Variants in PHACTR3 observed in about 807,000 individuals in gnomAD.
PHACTR3 encodes the protein phosphatase and actin regulator 3, also known as protein phosphatase 1, regulatory subunit 123.
In PHACTR3, 16 loss-of-function variants were observed where a neutral mutation model predicts 66.8. The ratio of observed to expected loss-of-function variants is 0.24; its 90% CI spans 0.16 to 0.36. PHACTR3 has a LOEUF of 0.36. Ranked by LOEUF, PHACTR3 falls within the 10% of genes least tolerant of loss-of-function variation. PHACTR3 has a pLI of 1.00. For missense variants in PHACTR3, 647 were observed against 719.9 expected, an observed-to-expected ratio of 0.90 and a Z score of 1.16; for synonymous variants, 323 against 292.1, an observed-to-expected ratio of 1.11 and a Z score of -1.08.
intron 1 of PHACTR3, among the ~76,000 whole-genome samples, chr20:59,630,374 G>C (rs991381837): frequency 2.0e-5 from 3 of 151,988 alleles, no homozygotes; most frequent in African/African-American, 7.3e-5. Context: ...GTAGAGACAG[G>C]GTTTCACCCT....
chr20:59,634,453 T>C (rs2034777505), intron 1 of PHACTR3, among the ~76,000 whole-genome samples: 1 of 152,190 alleles, frequency 6.6e-6, no homozygotes, highest in African/African-American at 2.4e-5. Context: ...TTAGGAGTGT[T>C]GGCCGTGAAC....
At chr20:59,652,117 A>G (rs529061372) in intron 1 of PHACTR3, among the ~76,000 whole-genome samples, 25 of 152,302 alleles carry the variant, frequency 1.6e-4, no homozygotes, top group Admixed American at 3.3e-4. Context: ...TCAAGCAGGC[A>G]GACAGGAAGG....
At chr20:59,677,935 A>G (rs1239377027) in intron 1 of PHACTR3, among the ~76,000 whole-genome samples, 1 of 152,216 alleles carries the variant, frequency 6.6e-6, no homozygotes, top group Non-Finnish European at 1.5e-5. Flanking sequence ...TTCGGTTGTC[A>G]CCTAGGTGCA....
At chr20:59,781,107 G>A (rs149689358) in intron 7 of PHACTR3, among the ~76,000 whole-genome samples, 20 of 152,268 alleles carry the variant, frequency 1.3e-4, no homozygotes, top group African/African-American at 3.1e-4. Flanking sequence ...CTCATTCCTC[G>A]GCCAATTCAT....
At chr20:59,771,868 T>C (rs1432950059) in intron 5 of PHACTR3, among the ~76,000 whole-genome samples, 2 of 152,248 alleles carry the variant, frequency 1.3e-5, no homozygotes, top group African/African-American at 4.8e-5. Flanking sequence ...AGGATTGTAT[T>C]GGAAGTTTGT....
chr20:59,825,836 T>C (rs555153076), intron 8 of PHACTR3, among the ~76,000 whole-genome samples: 2 of 152,234 alleles, frequency 1.3e-5, no homozygotes, highest in Non-Finnish European at 2.9e-5. Flanking sequence ...ACCCCCAGTA[T>C]GATGGTGGTT....
rs79285485 is a variant in PHACTR3, at chr20:59,618,394, G to A, written c.118+13262G>A. Among the ~76,000 whole-genome samples, 191 of 152,272 alleles carry A rather than the reference G, an allele frequency of 1.3e-3. 1 individual carries two copies. In the East Asian group the frequency reaches 0.014, roughly 11 times the overall value. ...GTGTGATCGGGCACATTTCCAAGCCGTCACTCTGGCTGGCCACCCCGGGTG... is the reference window on the plus strand; with the variant it reads ...GTGTGATCGGGCACATTTCCAAGCCATCACTCTGGCTGGCCACCCCGGGTG... On this transcript the variant is annotated intron_variant, in intron 1 of 12. Transcript: ENST00000371015.
chr20:59,790,455 T>C (rs2041055664), intron 7 of PHACTR3, among the ~76,000 whole-genome samples: 1 of 152,242 alleles, frequency 6.6e-6, no homozygotes, highest in South Asian at 2.1e-4. Context: ...GAAATATTCA[T>C]ATGCATGCAG....
intron 8 of PHACTR3, among the ~76,000 whole-genome samples, chr20:59,833,266 C>T (rs372207322): frequency 6.6e-6 from 1 of 152,194 alleles, no homozygotes; most frequent in Admixed American, 6.5e-5. Context: ...CTGCAGTGAG[C>T]GATTGGACCA....
intron 1 of PHACTR3, among the ~76,000 whole-genome samples, chr20:59,581,274 C>T (rs1600858683): frequency 1.3e-5 from 2 of 152,244 alleles, no homozygotes; most frequent in East Asian, 3.9e-4. Context: ...AAGGCAGAGT[C>T]ATGATGTCCC....
chr20:59,691,362 T>C (rs2037100283), intron 1 of PHACTR3, among the ~76,000 whole-genome samples: 1 of 152,228 alleles, frequency 6.6e-6, no homozygotes, highest in South Asian at 2.1e-4. Context: ...GCCAACCTAC[T>C]TTTCTATTTT....
intron 1 of PHACTR3, among the ~76,000 whole-genome samples, chr20:59,707,136 G>A (rs1601151263): frequency 6.6e-6 from 1 of 152,372 alleles, no homozygotes; most frequent in East Asian, 1.9e-4. Context: ...ATTCAGTGAT[G>A]TGGACCACGC....
In PHACTR3 at chr20:59,829,053, G is replaced by A. The variant is rs760974165; in HGVS notation, c.1329-7452G>A. Among the ~76,000 whole-genome samples, 4 of 152,134 alleles carry A rather than the reference G, an allele frequency of 2.6e-5. No homozygotes were observed. The highest frequency in any genetic ancestry group is 2.0e-4 in the Admixed American group (3 of 15,284). ...AGGAGCCAGTTCTCCCAGGGGTCTGGTGTGTGCCTGGGTGGTGGCTGGAGC... is the reference window on the plus strand; with the variant it reads ...AGGAGCCAGTTCTCCCAGGGGTCTGATGTGTGCCTGGGTGGTGGCTGGAGC... On this transcript the variant is annotated intron_variant, in intron 8 of 12. Transcript: ENST00000371015. This position sits in a 1 kb window ranked among gnomAD's most constrained non-coding sequence, Gnocchi z 4.2.
chr20:59,796,169 T>A (rs1007497073), intron 7 of PHACTR3, among the ~76,000 whole-genome samples: 1 of 152,080 alleles, frequency 6.6e-6, no homozygotes, highest in African/African-American at 2.4e-5. Flanking sequence ...ATATAAAAAA[T>A]TATAAAGTTA....
upstream of PHACTR3, among the ~76,000 whole-genome samples, chr20:59,603,341 A>G (rs2033536098): frequency 6.6e-6 from 1 of 152,100 alleles, no homozygotes; most frequent in Non-Finnish European, 1.5e-5. Context: ...CTCTGCACAC[A>G]GTCTGAATGA....
At chr20:59,639,709 C>T (rs939163464) in intron 1 of PHACTR3, among the ~76,000 whole-genome samples, 1 of 151,468 alleles carries the variant, frequency 6.6e-6, no homozygotes, top group Non-Finnish European at 1.5e-5. Context: ...ACCTTGGGTA[C>T]TGCTGAGGGA....
At chr20:59,817,318 C>A (rs905785457) in intron 8 of PHACTR3, among the ~76,000 whole-genome samples, 6 of 152,228 alleles carry the variant, frequency 3.9e-5, no homozygotes, top group African/African-American at 1.4e-4. Context: ...ACACCACTGC[C>A]GTCTGGCTGC....
chr20:59,745,492 C>T (rs2039333671), intron 2 of PHACTR3, among the ~76,000 whole-genome samples: 2 of 152,244 alleles, frequency 1.3e-5, no homozygotes, highest in Non-Finnish European at 2.9e-5. Flanking sequence ...GCCATTCGGG[C>T]ATCTGGAAAT....
intron 1 of PHACTR3, among the ~76,000 whole-genome samples, chr20:59,715,708 C>A (rs996964323): frequency 2.0e-5 from 3 of 152,034 alleles, no homozygotes; most frequent in African/African-American, 7.3e-5. Flanking sequence ...TCCTTGAGAG[C>A]TTGGAGGAAT....
Sources: gnomAD v4.1 joint callset for allele counts (sites outside exome capture counted in the v4.1 genomes callset) on GRCh38, gnomAD v4.1.1 for gene constraint, Gnocchi (gnomAD v3.1) non-coding constraint, MANE v1.5 for transcripts, NCBI Gene and HGNC (gene_info 2026-07-23, HGNC 2026-07-21) for gene names.